KALRN: variants seen among roughly 807,000 people sequenced by gnomAD.
The protein encoded by KALRN is kalirin.
Under a neutral mutation model 353.7 loss-of-function variants are expected in KALRN, and 70 were observed. The observed-to-expected ratio is 0.20, with a 90% CI of 0.16 to 0.24. The LOEUF (loss-of-function observed/expected upper bound fraction) is 0.24. Ranked by LOEUF, KALRN falls within the 10% of genes least tolerant of loss-of-function variation. KALRN has a pLI of 1.00. For missense variants in KALRN, 2,791 were observed against 3,756.7 expected (o/e 0.74, Z 6.72); for synonymous variants, 1,391 against 1,434.8 (o/e 0.97, Z 0.69).
rs559717023 is a variant in KALRN at position 124,326,222 on chromosome 3, T to C, written c.1284+51T>C. 9 of 1,537,494 alleles carry C rather than the reference T, an allele frequency of 5.9e-6. No homozygotes were observed. In the Admixed American group the frequency reaches 8.9e-5, roughly 15 times the overall value. On this transcript the variant is annotated intron_variant, in intron 7 of 59. Coordinates refer to ENST00000682506, the MANE Select transcript of KALRN (RefSeq NM_001388419.1). Reference sequence around the variant, plus strand: ...TGCTGTTGGTAGGAAGGGTTGGGCATGGGCAGGGGAGGGCTGGATGGGAGC... The same window carrying C: ...TGCTGTTGGTAGGAAGGGTTGGGCACGGGCAGGGGAGGGCTGGATGGGAGC...
rs528779304 is a variant in KALRN, at chr3:124,384,397, G to A, written c.1771-448G>A. 4.6e-5 allele frequency among the ~76,000 whole-genome samples: 7 copies of A among 152,296 alleles called. No individual in the cohort carries two copies. The East Asian group carries it at 1.4e-3, about 29-fold the overall frequency. ...AAAGATAAACACCAGTGGTTACAGG[G>A]AACTTGAGGAGAAAAGCAAAGTGAG... is the stretch of plus-strand genomic sequence containing the variant. On this transcript the variant is annotated intron_variant, in intron 10 of 59. Transcript: ENST00000682506.
chr3:124,675,820 G>A (rs3772785), intron 49 of KALRN, among the ~76,000 whole-genome samples: 32,041 of 152,032 alleles, frequency 0.21, 3,504 homozygotes, highest in African/African-American at 0.24. Flanking sequence ...AGTAATCCAT[G>A]GAAGACGTGG....
At chr3:124,133,360 G>A (rs1487171124) in intron 1 of KALRN, among the ~76,000 whole-genome samples, 1 of 152,150 alleles carries the variant, frequency 6.6e-6, no homozygotes, top group Non-Finnish European at 1.5e-5. Context: ...CACAACACAA[G>A]GTTTGTCTAT....
At chr3:124,261,943 A>C (rs1173084113) in intron 3 of KALRN, among the ~76,000 whole-genome samples, 1 of 152,238 alleles carries the variant, frequency 6.6e-6, no homozygotes, top group Non-Finnish European at 1.5e-5. Context: ...AAAAGAGCTG[A>C]TCAGGTAATT....
At chr3:124,419,375 A>G (rs986927299) in intron 14 of KALRN, among the ~76,000 whole-genome samples, 2 of 151,206 alleles carry the variant, frequency 1.3e-5, no homozygotes, top group African/African-American at 4.9e-5. Context: ...TATCCCTGAG[A>G]AGTCCTCTTT....
At chr3:124,717,215 T>C (rs376217076) in intron 58 of KALRN, 32 bp from the exon 59 acceptor site, 36 of 1,558,574 alleles carry the variant, frequency 2.3e-5, no homozygotes, top group Non-Finnish European at 3.0e-5. Flanking sequence ...ATTTCAAACA[T>C]ATTTCCTTTG....
At chr3:124,492,551 G>A (rs1395191414) in intron 31 of KALRN, among the ~76,000 whole-genome samples, 189 bp from the exon 32 acceptor site, 1 of 152,214 alleles carries the variant, frequency 6.6e-6, no homozygotes, top group Non-Finnish European at 1.5e-5. Flanking sequence ...TGAGGTCGGA[G>A]CACTGTTCTG....
intron 1 of KALRN, among the ~76,000 whole-genome samples, chr3:124,049,737 G>C (rs2040854060): frequency 6.6e-6 from 1 of 152,210 alleles, no homozygotes; most frequent in Non-Finnish European, 1.5e-5. Flanking sequence ...ATGTGTATGA[G>C]AGTGGAAGAG....
chr3:124,113,704 G>A (rs2063203403), intron 1 of KALRN, among the ~76,000 whole-genome samples: 1 of 152,226 alleles, frequency 6.6e-6, no homozygotes. Context: ...GCCTCAGAGG[G>A]GGCAGGTGCC....
Position 124,288,859 on chromosome 3 carries a change from G to A in KALRN, c.970-9932G>A, listed in dbSNP as rs540598346. ...GAAAAAGTTAGCTCTGAGGGATGAC[G>A]CGAAGATGTGGGAAGGCAGGAAAAA... On this transcript the variant is annotated intron_variant, in intron 5 of 59. Coordinates refer to ENST00000682506, the MANE Select transcript of KALRN (RefSeq NM_001388419.1). Among the ~76,000 whole-genome samples the A allele has an allele frequency of 9.2e-5, 14 of 152,246 alleles. No individual in the cohort carries two copies. In the Middle Eastern group the frequency reaches 0.017, roughly 185 times the overall value.
At position 124,564,137 on chromosome 3, in the gene KALRN, G is replaced by A. The variant is rs190985628; in HGVS notation, c.5182+1048G>A. Among the ~76,000 whole-genome samples, 533 of 149,120 alleles carry A rather than the reference G, an allele frequency of 3.6e-3. 17 individuals are homozygous for A. In the East Asian group the frequency reaches 0.075, roughly 21 times the overall value. On this transcript the variant is annotated intron_variant, in intron 34 of 59. Transcript: ENST00000682506. ...GGAGAATGGCGTGAACCCGGGAGGC[G>A]GAGCTTGCAGTGAGTCGAGATCGCG...
chr3:124,430,865 A>C, intron 16 of KALRN, 90 bp downstream of exon 16: 2 of 1,445,264 alleles, frequency 1.4e-6, no homozygotes, highest in South Asian at 2.7e-5. Context: ...GTGTTCCTTC[A>C]GGCAGCGAAG....
rs186239270 is a variant in KALRN at position 124,383,891 on chromosome 3, G to T, written c.1771-954G>T. Among the ~76,000 whole-genome samples the T allele has an allele frequency of 3.1e-4, 47 of 152,204 alleles. 1 individual carries two copies. The highest frequency in any genetic ancestry group is 1.1e-3 in the African/African-American group (45 of 41,528). On this transcript the variant is annotated intron_variant, in intron 10 of 59. Coordinates refer to ENST00000682506, the MANE Select transcript of KALRN (RefSeq NM_001388419.1). ...TCCATTTCAATTCTCCACTCACTTT[G>T]TGTTTGATACTGACTGCTCTGCTTG...
chr3:124,493,054 C>A (rs2063339342), intron 32 of KALRN, among the ~76,000 whole-genome samples, 172 bp downstream of exon 32: 1 of 152,156 alleles, frequency 6.6e-6, no homozygotes, highest in South Asian at 2.1e-4. Flanking sequence ...TCACTAGTGT[C>A]AAATTCAGCA....
chr3:124,496,515 T>A, intron 33 of KALRN, 102 bp downstream of exon 33: 2 of 816,110 alleles, frequency 2.5e-6, no homozygotes, highest in Non-Finnish European at 4.2e-6. Context: ...GGATCCTACC[T>A]TCAGGAGCCA....
chr3:124,168,497 G>GGAGTCCCCAGAATGCTGGTGA (rs2071225577), intron 1 of KALRN, among the ~76,000 whole-genome samples: 1 of 152,150 alleles, frequency 6.6e-6, no homozygotes, highest in Non-Finnish European at 1.5e-5. Context: ...TGGCTTTAAG[G>GGAGTCCCCAGAATGCTGGTGA]GAGTCCCCAG....
chr3:124,545,231 G>A (rs548665204), intron 33 of KALRN, among the ~76,000 whole-genome samples: 4 of 152,084 alleles, frequency 2.6e-5, no homozygotes, highest in South Asian at 4.2e-4. Context: ...TTCACTCTTC[G>A]TTTGCTCTTT....
chr3:124,442,344 G>A (rs1222874845), intron 19 of KALRN, among the ~76,000 whole-genome samples: 1 of 152,172 alleles, frequency 6.6e-6, no homozygotes, highest in African/African-American at 2.4e-5. Context: ...AATGGAAATT[G>A]CCTGTATCTA....
At chr3:124,373,556 A>C (rs1385932423) in intron 10 of KALRN, among the ~76,000 whole-genome samples, 1 of 152,148 alleles carries the variant, frequency 6.6e-6, no homozygotes, top group African/African-American at 2.4e-5. Context: ...GTTCCTTCTG[A>C]GGGCTGTGAG....
Sources: allele counts gnomAD v4.1 joint callset (sites outside exome capture counted in the v4.1 genomes callset), GRCh38; gene constraint gnomAD v4.1.1; transcripts MANE v1.5; gene names NCBI Gene and HGNC (gene_info 2026-07-23, HGNC 2026-07-21).